RNF150: variants seen among roughly 807,000 people sequenced by gnomAD.
RNF150 encodes the protein ring finger protein 150.
RNF150 carries 24 observed loss-of-function variants against 39.3 expected under a neutral mutation model. That is an observed-to-expected ratio of 0.61 (90% CI 0.44 to 0.86). RNF150 has a LOEUF of 0.86. Ranked by LOEUF, RNF150 falls within the 40% of genes least tolerant of loss-of-function variation. The pLI, the probability that RNF150 is intolerant of heterozygous loss-of-function variation, is 0.00. For missense variants in RNF150, 502 were observed against 587.8 expected (o/e 0.85, Z 1.51); for synonymous variants, 255 against 227.3 (o/e 1.12, Z -1.10).
chr4:141,208,890 T>C (rs1728418080), intron 1 of RNF150, among the ~76,000 whole-genome samples: 1 of 152,166 alleles, frequency 6.6e-6, no homozygotes, highest in South Asian at 2.1e-4. Flanking sequence ...GACACAAGAC[T>C]CTTGGGTCAG....
At position 140,991,069 on chromosome 4, in the gene RNF150, T is replaced by C. The variant is rs138957731; in HGVS notation, c.485-23196A>G. On this transcript the variant is annotated intron_variant, in intron 1 of 6. Transcript: ENST00000515673. Reference sequence around the variant, plus strand: ...GATGGTATCTCATTGTGGTCTTGATTTGCATTTCTCTAGTGCTCAGTGATG... The same window carrying C: ...GATGGTATCTCATTGTGGTCTTGATCTGCATTTCTCTAGTGCTCAGTGATG... Among the ~76,000 whole-genome samples, 708 of 152,362 alleles carry C rather than the reference T, an allele frequency of 4.6e-3. 6 individuals carry two copies. Among genetic ancestry groups the C allele is most frequent in the African/African-American group, 0.016 (676 of 41,586 alleles).
chr4:141,136,089 C>A (rs907460220), upstream of RNF150, among the ~76,000 whole-genome samples: 5 of 152,090 alleles, frequency 3.3e-5, no homozygotes, highest in African/African-American at 9.7e-5. Flanking sequence ...AAGAACTGAT[C>A]CAAATTGAAG....
chr4:141,000,807 A>G (rs1279441745), intron 1 of RNF150, among the ~76,000 whole-genome samples: 2 of 152,170 alleles, frequency 1.3e-5, no homozygotes, highest in Admixed American at 1.3e-4. Flanking sequence ...CGTAAATGTT[A>G]ACTCCTTGAC....
intron 1 of RNF150, among the ~76,000 whole-genome samples, chr4:141,015,684 T>G (rs868529471): frequency 6.6e-6 from 1 of 152,224 alleles, no homozygotes; most frequent in Non-Finnish European, 1.5e-5. Flanking sequence ...TATAAGATCA[T>G]GTCATCAGCA....
At chr4:141,194,411 T>A (rs1055497031) in intron 1 of RNF150, among the ~76,000 whole-genome samples, 2 of 152,206 alleles carry the variant, frequency 1.3e-5, no homozygotes, top group Non-Finnish European at 2.9e-5. Flanking sequence ...CATAACTGAA[T>A]CTTAATAGCT....
intron 1 of RNF150, among the ~76,000 whole-genome samples, chr4:141,097,286 T>C (rs1444783761): frequency 2.6e-5 from 4 of 152,210 alleles, no homozygotes; most frequent in Admixed American, 1.3e-4. Flanking sequence ...CAGCTGTTGA[T>C]TGAATGCATT....
intron 1 of RNF150, among the ~76,000 whole-genome samples, chr4:141,105,527 G>A (rs1393674548): frequency 6.6e-6 from 1 of 151,966 alleles, no homozygotes; most frequent in Non-Finnish European, 1.5e-5. Context: ...GCTCTCCCCT[G>A]CCCAGGTCTC....
intron 1 of RNF150, among the ~76,000 whole-genome samples, chr4:141,069,739 C>T (rs1376120201): frequency 6.6e-6 from 1 of 151,592 alleles, no homozygotes; most frequent in Non-Finnish European, 1.5e-5. Flanking sequence ...AATTTCAGCT[C>T]CTGTTATTGG....
At chr4:141,028,413 T>C (rs1201771925) in intron 1 of RNF150, among the ~76,000 whole-genome samples, 2 of 152,176 alleles carry the variant, frequency 1.3e-5, no homozygotes, top group African/African-American at 4.8e-5. Flanking sequence ...TGCCTACTTT[T>C]GCCAACAGCT....
chr4:141,019,101 T>G, intron 1 of RNF150, among the ~76,000 whole-genome samples: 1 of 144,918 alleles, frequency 6.9e-6, no homozygotes, highest in Non-Finnish European at 1.5e-5. Flanking sequence ...CACAAAAGAA[T>G]GTTAAAAGAA....
At chr4:141,121,023 C>T (rs767046244) in intron 1 of RNF150, among the ~76,000 whole-genome samples, 146 of 152,176 alleles carry the variant, frequency 9.6e-4, no homozygotes, top group Non-Finnish European at 4.6e-4. Flanking sequence ...TGATAAGATG[C>T]GATCAGATTC....
In RNF150 at chr4:140,877,569, A is replaced by G. The variant is rs1387862210; in HGVS notation, c.1199-9190T>C. 2.0e-5 allele frequency among the ~76,000 whole-genome samples: 3 copies of G among 152,238 alleles called. No individual in the cohort carries two copies. The East Asian group carries it at 5.8e-4, about 29-fold the overall frequency. On this transcript the variant is annotated intron_variant, in intron 6 of 6. Transcript: ENST00000515673. ...AATTCACTTAATCTTTATTCAACAG[A>G]TGTTTATTGAACATGTATTAGGTAC...
At chr4:141,135,178 T>G (rs1299761469), upstream of RNF150, among the ~76,000 whole-genome samples, 1 of 152,202 alleles carries the variant, frequency 6.6e-6, no homozygotes, top group South Asian at 2.1e-4. Flanking sequence ...ACCTTGAGGC[T>G]TTAGGGTGGA....
At chr4:141,001,511 G>GGT (rs1734667694) in intron 1 of RNF150, among the ~76,000 whole-genome samples, 1 of 152,072 alleles carries the variant, frequency 6.6e-6, no homozygotes, top group South Asian at 2.1e-4. Context: ...TTGAATGACA[G>GGT]GTGGTCTTTG....
intron 1 of RNF150, among the ~76,000 whole-genome samples, chr4:141,066,310 T>A (rs1419257801): frequency 6.6e-6 from 1 of 152,054 alleles, no homozygotes; most frequent in Non-Finnish European, 1.5e-5. Flanking sequence ...GAAGCATATA[T>A]CTCCATCATC....
intron 1 of RNF150, among the ~76,000 whole-genome samples, chr4:141,168,256 C>T (rs1486098170): frequency 6.6e-6 from 1 of 152,158 alleles, no homozygotes; most frequent in Non-Finnish European, 1.5e-5. Context: ...TACCATCTCA[C>T]ACGAGTTAGA....
chr4:141,174,899 A>C (rs1435305265), intron 1 of RNF150, among the ~76,000 whole-genome samples: 8 of 152,032 alleles, frequency 5.3e-5, no homozygotes, highest in African/African-American at 1.2e-4. Context: ...AAAAAAAAAA[A>C]AAAAAACCTC....
At chr4:140,873,023 C>T (rs1279100376) in intron 6 of RNF150, among the ~76,000 whole-genome samples, 1 of 152,174 alleles carries the variant, frequency 6.6e-6, no homozygotes, top group African/African-American at 2.4e-5. Flanking sequence ...AGGGACAGAA[C>T]TTGAAGAAAC....
chr4:140,998,595 C>T (rs1734467967), intron 1 of RNF150, among the ~76,000 whole-genome samples: 1 of 152,192 alleles, frequency 6.6e-6, no homozygotes, highest in Non-Finnish European at 1.5e-5. Context: ...TGGAGAAGCA[C>T]AGTCCTCCAG....
Sources: gnomAD v4.1 joint callset for allele counts (sites outside exome capture counted in the v4.1 genomes callset) on GRCh38, gnomAD v4.1.1 for gene constraint, MANE v1.5 for transcripts, NCBI Gene and HGNC (gene_info 2026-07-23, HGNC 2026-07-21) for gene names.